SOX5: variants seen among roughly 807,000 people sequenced by gnomAD.
The protein encoded by SOX5 is SRY-box transcription factor 5, also known as transcription factor SOX-5.
In SOX5, 9 loss-of-function variants were observed where a neutral mutation model predicts 92.0. The ratio of observed to expected loss-of-function variants is 0.10; its 90% confidence interval spans 0.06 to 0.17. The LOEUF (loss-of-function observed/expected upper bound fraction) is 0.17, where lower values mean the gene tolerates loss of function less well. Ranked by LOEUF, SOX5 falls within the 10% of genes least tolerant of loss-of-function variation. The pLI is 1.00. For missense variants in SOX5, 642 were observed against 944.5 expected, an observed-to-expected ratio of 0.68 and a Z score of 4.20; for synonymous variants, 344 against 336.3, an observed-to-expected ratio of 1.02 and a Z score of -0.25.
intron 4 of SOX5, among the ~76,000 whole-genome samples, chr12:24,008,961 C>T (rs974281384): frequency 3.3e-5 from 5 of 152,160 alleles, no homozygotes; most frequent in Admixed American, 3.3e-4. Context: ...CCAATGTCTT[C>T]TGAAATGTTC....
chr12:23,818,338 T>A (rs1007757609), intron 3 of SOX5, among the ~76,000 whole-genome samples: 4 of 152,150 alleles, frequency 2.6e-5, no homozygotes, highest in Admixed American at 2.6e-4. Flanking sequence ...CGTATGCAAC[T>A]GTAACACGAC....
chr12:24,053,607 A>G (rs1254581474), intron 4 of SOX5, among the ~76,000 whole-genome samples: 2 of 152,208 alleles, frequency 1.3e-5, no homozygotes, highest in Non-Finnish European at 2.9e-5. Context: ...TACTGCATGA[A>G]AAGAGTAAGT....
intron 11 of SOX5, among the ~76,000 whole-genome samples, chr12:23,554,882 C>A (rs947532294): frequency 6.6e-6 from 1 of 152,102 alleles, no homozygotes; most frequent in Non-Finnish European, 1.5e-5. Flanking sequence ...AAACAAACTT[C>A]TCCTTTATTA....
intron 1 of SOX5, among the ~76,000 whole-genome samples, chr12:24,532,163 A>G (rs564564910): frequency 3.9e-5 from 6 of 152,258 alleles, no homozygotes; most frequent in African/African-American, 1.2e-4. Flanking sequence ...TTTTCTATCT[A>G]TGTAATACTC....
At chr12:23,989,794 T>G (rs1272725652) in intron 4 of SOX5, among the ~76,000 whole-genome samples, 3 of 152,112 alleles carry the variant, frequency 2.0e-5, no homozygotes, top group Non-Finnish European at 2.9e-5. Flanking sequence ...CACCCTGATC[T>G]CAGAGTTCCA....
chr12:23,929,831 T>G (rs893713708), intron 1 of SOX5, among the ~76,000 whole-genome samples: 14 of 151,906 alleles, frequency 9.2e-5, no homozygotes, highest in African/African-American at 2.9e-4. Flanking sequence ...TATTTAGAAA[T>G]TTTGCAGTTA....
chr12:23,627,994 G>C (rs1312160569), intron 8 of SOX5, among the ~76,000 whole-genome samples: 1 of 151,840 alleles, frequency 6.6e-6, no homozygotes, highest in Non-Finnish European at 1.5e-5. Context: ...TTGTATCTTA[G>C]GTCACACAAA....
rs11047011 is a variant in SOX5, at chr12:23,624,393, A to T, written c.1017+16419T>A. On this transcript the variant is annotated intron_variant, in intron 8 of 14. Coordinates refer to ENST00000451604, the MANE Select transcript of SOX5 (RefSeq NM_006940.6). ...AAAGAAACCTACAGAGGATTCACAC[A>T]AATTAGTAAAGTTTTAGGGCACAAT... is the stretch of plus-strand genomic sequence containing the variant. Among the ~76,000 whole-genome samples the T allele has an allele frequency of 2.0e-5, 3 of 152,334 alleles. No individual in the cohort carries two copies. In the East Asian group the frequency reaches 5.8e-4, roughly 29 times the overall value.
At chr12:24,542,370 A>G (rs1952214059) in intron 1 of SOX5, among the ~76,000 whole-genome samples, 1 of 152,240 alleles carries the variant, frequency 6.6e-6, no homozygotes, top group Non-Finnish European at 1.5e-5. Flanking sequence ...CTTTCAGAAT[A>G]AAACAGGCTA....
chr12:24,032,597 G>C (rs530120328), intron 4 of SOX5, among the ~76,000 whole-genome samples: 14 of 151,774 alleles, frequency 9.2e-5, no homozygotes, highest in Non-Finnish European at 2.1e-4. Flanking sequence ...GCTGTTAACT[G>C]TAGTAACTAC....
chr12:24,338,575 T>A (rs1184858941), intron 2 of SOX5, among the ~76,000 whole-genome samples: 1 of 152,202 alleles, frequency 6.6e-6, no homozygotes, highest in African/African-American at 2.4e-5. Flanking sequence ...CATTTCTGGA[T>A]TTTGTATTCA....
intron 1 of SOX5, among the ~76,000 whole-genome samples, chr12:23,906,873 T>G (rs777318210): frequency 6.6e-6 from 1 of 151,884 alleles, no homozygotes. Flanking sequence ...AGAAGCCTTT[T>G]GGATTTTTCT....
At chr12:24,419,468 A>G (rs1432873273) in intron 1 of SOX5, among the ~76,000 whole-genome samples, 2 of 152,104 alleles carry the variant, frequency 1.3e-5, no homozygotes, top group African/African-American at 4.8e-5. Flanking sequence ...CCCTAGTCAT[A>G]TTAGTGAAAA....
chr12:23,784,425 C>T (rs1594393989), intron 3 of SOX5, among the ~76,000 whole-genome samples: 1 of 152,118 alleles, frequency 6.6e-6, no homozygotes, highest in Non-Finnish European at 1.5e-5. Flanking sequence ...CTCCCGGGTT[C>T]ACGCCATTTT....
intron 4 of SOX5, among the ~76,000 whole-genome samples, chr12:24,061,973 A>C (rs1939808230): frequency 6.6e-6 from 1 of 152,072 alleles, no homozygotes; most frequent in Non-Finnish European, 1.5e-5. Flanking sequence ...TGTTTCATAT[A>C]GCCATTTGAG....
At chr12:23,723,873 TAA>T (rs1313016111) in intron 6 of SOX5, among the ~76,000 whole-genome samples, 4 of 152,064 alleles carry the variant, frequency 2.6e-5, no homozygotes, top group Admixed American at 6.6e-5. Flanking sequence ...TATGTAGATA[TAA>T]GTCTCAACAT....
intron 1 of SOX5, among the ~76,000 whole-genome samples, chr12:23,906,153 T>C (rs970874388): frequency 6.6e-6 from 1 of 152,212 alleles, no homozygotes; most frequent in African/African-American, 2.4e-5. Flanking sequence ...AATTCATGTA[T>C]TGTTATACAT....
chr12:24,378,528 G>T (rs1319818154), intron 1 of SOX5, among the ~76,000 whole-genome samples: 1 of 152,182 alleles, frequency 6.6e-6, no homozygotes. Flanking sequence ...TCATAAAGGA[G>T]GAGCACTGTA....
chr12:23,725,990 G>A (rs1348803428), intron 6 of SOX5, among the ~76,000 whole-genome samples: 1 of 152,076 alleles, frequency 6.6e-6, no homozygotes, highest in African/African-American at 2.4e-5. Context: ...TTTCCTTCAA[G>A]GGAAAACTAG....
Sources: allele counts gnomAD v4.1 joint callset (sites outside exome capture counted in the v4.1 genomes callset), GRCh38; gene constraint gnomAD v4.1.1; transcripts MANE v1.5; gene names NCBI Gene and HGNC (gene_info 2026-07-23, HGNC 2026-07-21).